The following RAB9A variants were observed in gnomAD, a reference collection of about 807,000 sequenced individuals.
RAB9A encodes ras-related protein Rab-9A.
RAB9A carries 1 observed loss-of-function variant against 10.3 expected under a neutral mutation model. That is an observed-to-expected ratio of 0.10 (90% CI 0.03 to 0.46). RAB9A has a LOEUF of 0.46. Ranked by LOEUF, RAB9A falls within the 20% of genes least tolerant of loss-of-function variation. The probability of loss-of-function intolerance (pLI) is 0.96; values close to 1 mark genes in which losing one functional copy is unlikely to be tolerated. For synonymous variants in RAB9A, 39 were observed against 55.2 expected (o/e 0.71, Z 1.30); for missense variants, 92 against 150.3 (o/e 0.61, Z 2.03).
At chrX:13,693,067 T>C (rs2046132987) in intron 1 of RAB9A, among the ~76,000 whole-genome samples, 1 of 112,548 alleles carries the variant, frequency 8.9e-6, no homozygotes, top group East Asian at 2.8e-4. Context: ...GTCACCACAT[T>C]TCCTTCTGGG....
intron 1 of RAB9A, among the ~76,000 whole-genome samples, chrX:13,694,800 T>C (rs2046140506): frequency 9.0e-6 from 1 of 111,360 alleles, no homozygotes; most frequent in South Asian, 3.7e-4. Flanking sequence ...TAATTCTCCA[T>C]CCCCCCTTCC....
At position 13,692,686 on chromosome X, in the gene RAB9A, T is replaced by C. The variant is rs767193802; in HGVS notation, c.-116+3398T>C. ...GTACTGCTTCATTCTGGTGGCAGTA[T>C]TAACTGTTAGGTGAACTTTGGGAGG... On this transcript the variant is annotated intron_variant, in intron 1 of 2. Coordinates refer to ENST00000464506, the MANE Select transcript of RAB9A (RefSeq NM_004251.5). 6.2e-5 allele frequency among the ~76,000 whole-genome samples: 7 copies of C among 112,100 alleles called. No homozygotes were observed. The South Asian group carries it at 2.6e-3, about 42-fold the overall frequency.
chrX:13,699,392 C>G (rs1046166734), intron 1 of RAB9A, among the ~76,000 whole-genome samples: 2 of 112,219 alleles, frequency 1.8e-5, no homozygotes, highest in African/African-American at 6.5e-5. Context: ...CATTTATTTG[C>G]ACCTCACCAA....
chrX:13,706,196 C>T (rs1253774905), intron 2 of RAB9A, among the ~76,000 whole-genome samples: 1 of 112,004 alleles, frequency 8.9e-6, no homozygotes, highest in Non-Finnish European at 1.9e-5. Flanking sequence ...CAATTTAGCA[C>T]ATTGTTACCT....
rs141488612 is a variant in RAB9A at position 13,707,058 on chromosome X, A to G, written c.-26-1663A>G. Among the ~76,000 whole-genome samples, 709 of 112,408 alleles carry G rather than the reference A, an allele frequency of 6.3e-3. 4 individuals carry two copies. Among genetic ancestry groups the G allele is most frequent in the African/African-American group, 0.022 (673 of 30,949 alleles). ...TAAGGTTATTGACCAAATTTGCTCT[A>G]GATCTGTGCTCTCCAATTGGCTCAT... On this transcript the variant is annotated intron_variant, in intron 2 of 2. Transcript: ENST00000464506.
At chrX:13,691,023 G>T (rs1471326401) in intron 1 of RAB9A, among the ~76,000 whole-genome samples, 1 of 111,679 alleles carries the variant, frequency 9.0e-6, no homozygotes, top group African/African-American at 3.3e-5. Flanking sequence ...TTCACACCTG[G>T]GGGCAAGGGA....
intron 1 of RAB9A, among the ~76,000 whole-genome samples, chrX:13,695,086 G>A (rs2046141828): frequency 8.9e-6 from 1 of 112,024 alleles, no homozygotes; most frequent in Non-Finnish European, 1.9e-5. Context: ...TCGAGCCTCC[G>A]GACCCGGCCT....
At chrX:13,696,390 C>T (rs911967602) in intron 1 of RAB9A, among the ~76,000 whole-genome samples, 2 of 110,428 alleles carry the variant, frequency 1.8e-5, no homozygotes, top group Non-Finnish European at 3.8e-5. Flanking sequence ...CCACTGCCCT[C>T]CAGCCTGGGT....
intron 1 of RAB9A, among the ~76,000 whole-genome samples, chrX:13,692,312 A>C (rs2046129324): frequency 9.0e-6 from 1 of 111,449 alleles, no homozygotes; most frequent in Non-Finnish European, 1.9e-5. Context: ...CTTGTCGCTA[A>C]AAAAATAACA....
At chrX:13,691,450 A>T (rs934811902) in intron 1 of RAB9A, among the ~76,000 whole-genome samples, 2 of 110,776 alleles carry the variant, frequency 1.8e-5, no homozygotes, top group African/African-American at 6.6e-5. Flanking sequence ...TCACGAGGTC[A>T]GGAGTTTGAA....
intron 1 of RAB9A, among the ~76,000 whole-genome samples, chrX:13,699,759 G>A (rs947663502): frequency 1.8e-5 from 2 of 112,208 alleles, no homozygotes; most frequent in East Asian, 5.5e-4. Flanking sequence ...TAGGTGCGGG[G>A]ATGGTGAGTA....
intron 2 of RAB9A, among the ~76,000 whole-genome samples, chrX:13,705,802 T>C (rs1401769638): frequency 9.7e-6 from 1 of 103,130 alleles, no homozygotes. Context: ...GAGGTGACCA[T>C]GCTAAGCAGT....
chrX:13,709,302 G>C lies in RAB9A; in HGVS notation c.556G>C (p.Asp186His), dbSNP rs1242892334. 2.5e-6 allele frequency: 3 copies of C among 1,206,708 alleles called. No individual in the cohort carries two copies. Among genetic ancestry groups the C allele is most frequent in the Non-Finnish European group, 2.2e-6 (2 of 893,701 alleles). ...EDRSDHLIQT[D>H]TVNLHRKPKP... ...TAGGTCAGATCATTTGATTCAGACA[G>C]ACACAGTCAATCTTCACCGAAAGCC... Residue 186 changes from aspartate (D) to histidine (H), a missense_variant, in exon 3 of 3, where the codon GAC becomes CAC. Coordinates refer to ENST00000464506, the MANE Select transcript of RAB9A (RefSeq NM_004251.5).
chrX:13,702,719 A>G (rs2046179769), intron 1 of RAB9A, among the ~76,000 whole-genome samples: 1 of 111,749 alleles, frequency 8.9e-6, no homozygotes, highest in Non-Finnish European at 1.9e-5. Context: ...AATCCCTTGC[A>G]CTATTTTAAG....
At chrX:13,695,747 C>T (rs2046144797) in intron 1 of RAB9A, among the ~76,000 whole-genome samples, 1 of 111,765 alleles carries the variant, frequency 8.9e-6, no homozygotes, top group Non-Finnish European at 1.9e-5. Flanking sequence ...CTGGCTCAGA[C>T]ATGCGGATGT....
chrX:13,703,315 CCT>C (rs1415092009), intron 1 of RAB9A, among the ~76,000 whole-genome samples: 4 of 111,893 alleles, frequency 3.6e-5, no homozygotes, highest in Non-Finnish European at 7.5e-5. Context: ...ATGTATGTAA[CCT>C]CTCTGAGTCA....
chrX:13,709,231 C>T lies in RAB9A; in HGVS notation c.485C>T (p.Ala162Val). ...ETSAKDATNV[A>V]AAFEEAVRRV... Reference sequence around the variant, plus strand: ...AGTGCAAAAGATGCCACAAATGTGGCAGCAGCCTTTGAGGAAGCGGTTCGA... The same window carrying T: ...AGTGCAAAAGATGCCACAAATGTGGTAGCAGCCTTTGAGGAAGCGGTTCGA... Residue 162 changes from alanine to valine, a missense_variant, in exon 3 of 3, where the codon GCA (alanine) becomes GTA (valine). Ala to Val is a moderately conservative substitution (Grantham distance 64). Transcript: ENST00000464506. The T allele has an allele frequency of 8.3e-7, 1 of 1,211,720 alleles. No homozygotes were observed. The highest frequency in any genetic ancestry group is 1.1e-6 in the Non-Finnish European group (1 of 895,546).
intron 1 of RAB9A, among the ~76,000 whole-genome samples, chrX:13,695,218 C>T (rs1026237620): frequency 9.8e-5 from 11 of 112,420 alleles, no homozygotes; most frequent in African/African-American, 3.6e-4. Flanking sequence ...TCTCTTCACT[C>T]TGTCACTCCC....
At chrX:13,705,296 AAATT>A (rs1308232327) in intron 2 of RAB9A, among the ~76,000 whole-genome samples, 2 of 111,721 alleles carry the variant, frequency 1.8e-5, no homozygotes, top group Non-Finnish European at 3.8e-5. Context: ...ATTCATGTAG[AAATT>A]AATTATTTTA....
Sources: gnomAD v4.1 joint callset for allele counts (sites outside exome capture counted in the v4.1 genomes callset) on GRCh38, gnomAD v4.1.1 for gene constraint, MANE v1.5 for transcripts, NCBI Gene and HGNC (gene_info 2026-07-23, HGNC 2026-07-21) for gene names.